The following POC1B variants were observed in gnomAD, a reference collection of about 807,000 sequenced individuals.
The protein encoded by POC1B is POC1 centriolar protein B.
Under a neutral mutation model 60.6 loss-of-function variants are expected in POC1B, and 44 were observed. That is an observed-to-expected ratio of 0.73 (90% CI 0.57 to 0.93). The LOEUF is 0.93. Among genes scored for constraint, POC1B ranks in the 40% least tolerant of loss-of-function variants. The pLI is 0.00. For missense variants in POC1B, 555 were observed against 572.3 expected (o/e 0.97, Z 0.31); for synonymous variants, 180 against 198.9 (o/e 0.90, Z 0.80).
At chr12:89,441,428 G>A (rs1487700930) in intron 10 of POC1B, among the ~76,000 whole-genome samples, 2 of 152,208 alleles carry the variant, frequency 1.3e-5, no homozygotes, top group Non-Finnish European at 2.9e-5. Context: ...TCCAGAGGAA[G>A]GATCAGGGAG....
At chr12:89,427,931 C>T (rs1391072110) in intron 10 of POC1B, 1 of 152,234 alleles carries the variant, frequency 6.6e-6, no homozygotes, top group Admixed American at 6.5e-5. Flanking sequence ...CCTATTCATG[C>T]TCTGAGCTAA....
rs1880495928 is a variant in POC1B at position 89,420,764 on chromosome 12, C to T, written c.*389G>A. On this transcript the variant is annotated 3_prime_UTR_variant, in exon 12 of 12. Transcript: ENST00000313546. ...TTGGAGGTAAGTGAATTATTTCACCCCATGACTGTCTGAATATGGTCAATC... is the reference window on the plus strand; with the variant it reads ...TTGGAGGTAAGTGAATTATTTCACCTCATGACTGTCTGAATATGGTCAATC... 1 of 165,236 alleles carries T rather than the reference C, an allele frequency of 6.1e-6. No individual in the cohort carries two copies. The allele number at this position is 165,236 out of a possible 1,614,324, so 10.2% of individuals were successfully genotyped here.
chr12:89,512,818 C>T (rs893004952), intron 2 of POC1B, among the ~76,000 whole-genome samples: 12 of 152,036 alleles, frequency 7.9e-5, no homozygotes, highest in Non-Finnish European at 1.2e-4. Context: ...GAAGAGGAAA[C>T]GAGGCTTAGT....
downstream of POC1B, among the ~76,000 whole-genome samples, chr12:89,416,028 T>C (rs574982778): frequency 2.0e-5 from 3 of 152,344 alleles, no homozygotes; most frequent in South Asian, 6.2e-4. Context: ...CATAGAGCAA[T>C]GTTTTAGAAA....
intron 2 of POC1B, among the ~76,000 whole-genome samples, chr12:89,513,896 G>A: frequency 6.6e-6 from 1 of 152,330 alleles, no homozygotes; most frequent in South Asian, 2.1e-4. Context: ...ACTAGGCTCT[G>A]CTGCCTACTA....
the POC1B span, among the ~76,000 whole-genome samples, chr12:89,413,657 A>G: frequency 2.0e-5 from 3 of 152,184 alleles, no homozygotes; most frequent in East Asian, 1.9e-4. Context: ...TTTGGCATAT[A>G]GAGTTTTGAC....
At chr12:89,426,505 A>G (rs949057200) in intron 10 of POC1B, 2 of 152,246 alleles carry the variant, frequency 1.3e-5, no homozygotes, top group African/African-American at 4.8e-5. Context: ...ATGGAATAGC[A>G]TAAAAAATAT....
At chr12:89,497,789 C>A (rs1299624539) in intron 2 of POC1B, among the ~76,000 whole-genome samples, 1 of 151,568 alleles carries the variant, frequency 6.6e-6, no homozygotes, top group South Asian at 2.1e-4. Flanking sequence ...TAATTTCACA[C>A]TTACAGAAAA....
At chr12:89,507,289 A>AAC (rs1869952202) in intron 2 of POC1B, among the ~76,000 whole-genome samples, 1 of 150,722 alleles carries the variant, frequency 6.6e-6, no homozygotes, top group Admixed American at 6.6e-5. Context: ...AAAAAAAAAA[A>AAC]AAACTATGAA....
chr12:89,453,557 T>C (rs568230777), intron 10 of POC1B, among the ~76,000 whole-genome samples: 1 of 152,298 alleles, frequency 6.6e-6, no homozygotes, highest in South Asian at 2.1e-4. Context: ...TAAATACACC[T>C]AGTTTCAGAA....
intron 10 of POC1B, among the ~76,000 whole-genome samples, chr12:89,448,304 C>A (rs1881877948): frequency 1.3e-5 from 2 of 151,956 alleles, no homozygotes; most frequent in African/African-American, 2.4e-5. Flanking sequence ...CAAACAAAAC[C>A]CAACCAGCCA....
intron 2 of POC1B, chr12:89,523,777 G>A (rs755338768): frequency 2.1e-5 from 33 of 1,538,302 alleles, no homozygotes; most frequent in South Asian, 1.6e-4. Flanking sequence ...CCAATCAATT[G>A]TGTCTATAAC....
At chr12:89,461,041 G>C (rs1467145302) in intron 9 of POC1B, 1 of 152,170 alleles carries the variant, frequency 6.6e-6, no homozygotes, top group African/African-American at 2.4e-5. Flanking sequence ...CTTATCAGGA[G>C]TGTCCAATCT....
intron 2 of POC1B, among the ~76,000 whole-genome samples, chr12:89,510,466 ACT>A (rs1208632596): frequency 6.6e-6 from 1 of 151,928 alleles, no homozygotes; most frequent in Non-Finnish European, 1.5e-5. Context: ...ACAGTTTCCC[ACT>A]CTGCACATCC....
At chr12:89,472,330 C>A (rs1882932877) in intron 4 of POC1B, 55 bp from the exon 5 acceptor site, 3 of 1,095,188 alleles carry the variant, frequency 2.7e-6, no homozygotes, top group African/African-American at 1.6e-5. Flanking sequence ...AGAGTCACCA[C>A]CTCACCTCTA....
intron 2 of POC1B, among the ~76,000 whole-genome samples, chr12:89,514,468 G>A (rs1326071153): frequency 8.0e-6 from 1 of 125,774 alleles, no homozygotes. Flanking sequence ...GAGTACAGCG[G>A]CATGATCTCG....
intron 2 of POC1B, among the ~76,000 whole-genome samples, chr12:89,513,042 C>A (rs1228317646): frequency 6.6e-6 from 1 of 151,930 alleles, no homozygotes; most frequent in Non-Finnish European, 1.5e-5. Context: ...TGGGGTGAGA[C>A]CTGGGAATAT....
chr12:89,468,906 C>T (rs1428351360), intron 7 of POC1B, among the ~76,000 whole-genome samples: 1 of 151,716 alleles, frequency 6.6e-6, no homozygotes, highest in Admixed American at 6.6e-5. Flanking sequence ...AAAGAGGATG[C>T]ATTCTAAAAA....
chr12:89,496,266 C>A (rs2135742106), intron 3 of POC1B, among the ~76,000 whole-genome samples: 1 of 152,276 alleles, frequency 6.6e-6, no homozygotes, highest in South Asian at 2.1e-4. Flanking sequence ...GAATCTAATG[C>A]CGCCGCTGAT....
Sources: allele counts gnomAD v4.1 joint callset (sites outside exome capture counted in the v4.1 genomes callset), GRCh38; gene constraint gnomAD v4.1.1; transcripts MANE v1.5; gene names NCBI Gene and HGNC (gene_info 2026-07-23, HGNC 2026-07-21).